FBXW7: variants seen among roughly 807,000 people sequenced by gnomAD.
The protein encoded by FBXW7 is F-box/WD repeat-containing protein 7.
In FBXW7, 11 loss-of-function variants were observed where a neutral mutation model predicts 86.3. The observed-to-expected ratio is 0.13, with a 90% CI of 0.08 to 0.21. The LOEUF (loss-of-function observed/expected upper bound fraction) is 0.21, where lower values mean the gene tolerates loss of function less well. Among genes scored for constraint, FBXW7 ranks in the 10% least tolerant of loss-of-function variants. The probability of loss-of-function intolerance (pLI) is 1.00; values close to 1 mark genes in which losing one functional copy is unlikely to be tolerated. For synonymous variants in FBXW7, 313 were observed against 297.9 expected (o/e 1.05, Z -0.52); for missense variants, 488 against 847.4 (o/e 0.58, Z 5.27).
chr4:152,430,993 A>T (rs537272194), intron 2 of FBXW7, among the ~76,000 whole-genome samples: 27 of 152,338 alleles, frequency 1.8e-4, no homozygotes, highest in Middle Eastern at 3.4e-3. Flanking sequence ...ACAATCAAAC[A>T]GTACCTCCTT....
In FBXW7 at chr4:152,329,702, A is replaced by G; in HGVS notation, c.1206T>C (p.Thr402=). 6.3e-7 allele frequency: 1 copy of G among 1,581,348 alleles called. No homozygotes were observed. Among genetic ancestry groups the G allele is most frequent in the Non-Finnish European group, 8.6e-7 (1 of 1,166,100 alleles). Residue 402 remains threonine, a synonymous_variant, in exon 10 of 14, where the codon ACT becomes ACC. Transcript: ENST00000281708. ...CTGTGACTGCTGACCAAACTTTTAA[A>G]GTGTTGTCATCAGAACCACTAACTA... is the stretch of plus-strand genomic sequence containing the variant. The part of the protein sequence containing the change: ...NRIVSGSDDN[T]LKVWSAVTGK...
At chr4:152,515,322 A>G (rs1007595928) in intron 2 of FBXW7, among the ~76,000 whole-genome samples, 1 of 152,244 alleles carries the variant, frequency 6.6e-6, no homozygotes, top group Non-Finnish European at 1.5e-5. Flanking sequence ...TGATTGCCTG[A>G]AGCGAGGGTG....
chr4:152,348,790 G>A, intron 5 of FBXW7: 2 of 701,892 alleles, frequency 2.8e-6, no homozygotes, highest in Non-Finnish European at 4.1e-6. Context: ...ATCATGACTA[G>A]AAGGGAAAAG....
At chr4:152,370,394 T>C (rs573161879) in intron 4 of FBXW7, among the ~76,000 whole-genome samples, 1 of 152,116 alleles carries the variant, frequency 6.6e-6, no homozygotes, top group East Asian at 1.9e-4. Context: ...TAATTAGCCA[T>C]GTGCTTTTGG....
At chr4:152,328,614 G>C (rs777016989) in intron 10 of FBXW7, 8 of 350,054 alleles carry the variant, frequency 2.3e-5, no homozygotes, top group Non-Finnish European at 4.1e-5. Context: ...GTAGTATGTA[G>C]AAAGCAAACA....
intron 4 of FBXW7, among the ~76,000 whole-genome samples, chr4:152,374,753 G>C (rs780113089): frequency 6.6e-6 from 1 of 151,886 alleles, no homozygotes; most frequent in Non-Finnish European, 1.5e-5. Context: ...CAATAATTGA[G>C]GACAACAGTG....
Position 152,360,919 on chromosome 4 carries a change from G to A in FBXW7, c.502-10795C>T, listed in dbSNP as rs549151255. ...CAGAAAGTCCAGATTCATACTTACT[G>A]CACTTTTTAAAATATAGGCATCTCT... On this transcript the variant is annotated intron_variant, in intron 4 of 13. Transcript: ENST00000281708. Among the ~76,000 whole-genome samples the A allele has an allele frequency of 3.3e-5, 5 of 150,922 alleles. No individual in the cohort carries two copies. The South Asian group carries it at 6.3e-4, about 19-fold the overall frequency.
intron 2 of FBXW7, among the ~76,000 whole-genome samples, chr4:152,452,072 A>C (rs1286138534): frequency 1.3e-5 from 2 of 152,224 alleles, no homozygotes; most frequent in African/African-American, 2.4e-5. Context: ...TAATATCCTA[A>C]CAAACTGAAT....
chr4:152,349,812 A>G (rs2714804), intron 5 of FBXW7, among the ~76,000 whole-genome samples: 30,704 of 151,742 alleles, frequency 0.2, 4,076 homozygotes, highest in Non-Finnish European at 0.3. Flanking sequence ...TGTTCACAAG[A>G]TAATTTCTGC....
intron 4 of FBXW7, among the ~76,000 whole-genome samples, chr4:152,362,686 G>A (rs1733086941): frequency 6.6e-6 from 1 of 151,930 alleles, no homozygotes; most frequent in Non-Finnish European, 1.5e-5. Flanking sequence ...AAATTAGCCA[G>A]GCATGGTGGT....
intron 6 of FBXW7, 96 bp from the exon 7 acceptor site, chr4:152,338,032 A>C: frequency 7.7e-7 from 1 of 1,306,698 alleles, no homozygotes; most frequent in South Asian, 1.5e-5. Flanking sequence ...ACCATAGTTG[A>C]TCAGGGTAGA....
chr4:152,460,552 T>C (rs1359300862), intron 2 of FBXW7, among the ~76,000 whole-genome samples: 1 of 152,196 alleles, frequency 6.6e-6, no homozygotes, highest in Non-Finnish European at 1.5e-5. Flanking sequence ...TCTGAACATG[T>C]ATTTATTTTA....
At chr4:152,517,979 C>T (rs1748654123) in intron 2 of FBXW7, among the ~76,000 whole-genome samples, 1 of 151,988 alleles carries the variant, frequency 6.6e-6, no homozygotes, top group Non-Finnish European at 1.5e-5. Context: ...ATTCAGCACT[C>T]AATACTTATT....
At position 152,411,502 on chromosome 4, in the gene FBXW7, T is replaced by C. The variant is rs767856434; in HGVS notation, c.302A>G (p.Asp101Gly). 3.1e-6 allele frequency: 5 copies of C among 1,613,870 alleles called. No individual in the cohort carries two copies. The Admixed American group carries it at 6.7e-5, about 22-fold the overall frequency. The change falls in exon 4 of 14, where the codon GAT becomes GGT. Residue 101 changes from aspartate (D) to glycine (G), a missense_variant. Asp to Gly is a moderately conservative substitution (Grantham distance 94). This residue lies in a region of FBXW7 where 230 missense variants were observed against 240.0 expected (regional missense o/e 0.96). Coordinates refer to ENST00000281708, the MANE Select transcript of FBXW7 (RefSeq NM_001349798.2). ...SSGNQEEQEE[D>G]EEHAGEQDEE... The stretch of plus-strand genomic sequence containing the variant: ...ATCTTGTTCACCAGCATGTTCTTCA[T>C]CTTCCTCTTGTTCTTCTTGGTTTCC...
chr4:152,447,270 G>C (rs577703832), intron 2 of FBXW7, among the ~76,000 whole-genome samples: 8 of 152,278 alleles, frequency 5.3e-5, no homozygotes, highest in Non-Finnish European at 1.0e-4. Flanking sequence ...ATGTGGTTGA[G>C]AGAAATGGTG....
At chr4:152,513,055 T>C (rs1334424296) in intron 2 of FBXW7, among the ~76,000 whole-genome samples, 1 of 152,016 alleles carries the variant, frequency 6.6e-6, no homozygotes, top group African/African-American at 2.4e-5. Flanking sequence ...AGAGACGGGG[T>C]TTCACCATAT....
intron 2 of FBXW7, among the ~76,000 whole-genome samples, chr4:152,459,324 T>C (rs2149627434): frequency 6.6e-6 from 1 of 152,326 alleles, no homozygotes; most frequent in Admixed American, 6.5e-5. Context: ...AGAGTACCCA[T>C]TTTTACACTA....
Position 152,412,802 on chromosome 4 carries a change from C to G in FBXW7, c.-119-273G>C, listed in dbSNP as rs189116863. On this transcript the variant is annotated intron_variant, in intron 2 of 13. Transcript: ENST00000281708. ...GTATGATTTTTAAACTGTATGAAGA[C>G]TAGAAGACAACATTTCAAAATAAAC... 4.5e-3 allele frequency among the ~76,000 whole-genome samples: 691 copies of G among 152,128 alleles called. 2 individuals carry two copies. Among genetic ancestry groups the G allele is most frequent in the Admixed American group, 6.9e-3 (105 of 15,256 alleles).
chr4:152,495,450 A>C (rs778237606), intron 2 of FBXW7, among the ~76,000 whole-genome samples: 70 of 152,076 alleles, frequency 4.6e-4, no homozygotes, highest in Non-Finnish European at 6.0e-4. Flanking sequence ...AAAAAGGAAA[A>C]AAAAAATTAT....
Sources: allele counts gnomAD v4.1 joint callset (sites outside exome capture counted in the v4.1 genomes callset), GRCh38; gene constraint gnomAD v4.1.1; regional missense constraint gnomAD v4.1.1; transcripts MANE v1.5; gene names NCBI Gene and HGNC (gene_info 2026-07-23, HGNC 2026-07-21).